DOCK3: variants seen among roughly 807,000 people sequenced by gnomAD.
DOCK3 encodes dedicator of cytokinesis protein 3.
In DOCK3, 60 loss-of-function variants were observed where a neutral mutation model predicts 265.6. The ratio of observed to expected loss-of-function variants is 0.23; its 90% CI spans 0.18 to 0.28. DOCK3 has a LOEUF of 0.28. DOCK3 is among the 10% of genes least tolerant of loss of function. The pLI is 1.00. For missense variants in DOCK3, 1,981 were observed against 2,594.3 expected, an observed-to-expected ratio of 0.76 and a Z score of 5.14; for synonymous variants, 881 against 938.0, an observed-to-expected ratio of 0.94 and a Z score of 1.11.
intron 5 of DOCK3, among the ~76,000 whole-genome samples, chr3:51,046,243 G>T (rs1340947172): frequency 1.3e-5 from 2 of 152,114 alleles, no homozygotes; most frequent in African/African-American, 2.4e-5. Context: ...TAACTGCCAA[G>T]AATTATTTTA....
intron 3 of DOCK3, among the ~76,000 whole-genome samples, chr3:50,852,489 T>C (rs1243146346): frequency 6.6e-6 from 1 of 152,230 alleles, no homozygotes; most frequent in Non-Finnish European, 1.5e-5. Flanking sequence ...ATTATGGTTA[T>C]CTAACTTATC....
At chr3:51,155,147 T>C (rs1173917998) in intron 10 of DOCK3, among the ~76,000 whole-genome samples, 1 of 151,944 alleles carries the variant, frequency 6.6e-6, no homozygotes, top group East Asian at 1.9e-4. Flanking sequence ...GGCTAATTTT[T>C]TTTTTTTAAG....
At chr3:50,882,969 G>T (rs1026310460) in intron 3 of DOCK3, among the ~76,000 whole-genome samples, 13 of 152,168 alleles carry the variant, frequency 8.5e-5, no homozygotes, top group Non-Finnish European at 1.6e-4. Flanking sequence ...CCTTTGGAGG[G>T]AGATGGATGA....
chr3:51,221,132 A>C (rs2090077575), intron 14 of DOCK3, among the ~76,000 whole-genome samples: 1 of 152,122 alleles, frequency 6.6e-6, no homozygotes, highest in South Asian at 2.1e-4. Context: ...TATCCCGTTA[A>C]GATTTCTGGT....
chr3:51,140,020 T>C (rs2084975018), intron 9 of DOCK3, among the ~76,000 whole-genome samples: 1 of 152,220 alleles, frequency 6.6e-6, no homozygotes, highest in Non-Finnish European at 1.5e-5. Flanking sequence ...CATGCAGATC[T>C]TGGAGAGTTT....
chr3:50,807,466 C>A (rs2043496128), intron 2 of DOCK3, among the ~76,000 whole-genome samples: 1 of 152,148 alleles, frequency 6.6e-6, no homozygotes, highest in African/African-American at 2.4e-5. Context: ...ATGACCCAGA[C>A]ACCTCCCATT....
intron 3 of DOCK3, among the ~76,000 whole-genome samples, chr3:50,854,062 T>G (rs565681798): frequency 1.3e-5 from 2 of 152,264 alleles, no homozygotes; most frequent in African/African-American, 4.8e-5. Context: ...CCCTGATGAA[T>G]AGTTACATTG....
chr3:51,031,185 A>G lies in DOCK3; in HGVS notation c.316-33263A>G, dbSNP rs138187759. Among the ~76,000 whole-genome samples, 19 of 152,176 alleles carry G rather than the reference A, an allele frequency of 1.2e-4. No homozygotes were observed. The East Asian group carries it at 3.1e-3, about 25-fold the overall frequency. ...TATTGTCATCCTTTTTTGATCAGCT[A>G]CTTTGTTGGTAATAGATATTTGGGT... is the stretch of plus-strand genomic sequence containing the variant. On this transcript the variant is annotated intron_variant, in intron 5 of 52. Transcript: ENST00000266037.
At chr3:51,283,007 T>C (rs1362894851) in intron 27 of DOCK3, among the ~76,000 whole-genome samples, 2 of 152,206 alleles carry the variant, frequency 1.3e-5, no homozygotes, top group Non-Finnish European at 2.9e-5. Flanking sequence ...GTAGGATTTA[T>C]CCCAGAAATG....
At chr3:50,871,560 C>T (rs890538221) in intron 3 of DOCK3, among the ~76,000 whole-genome samples, 4 of 151,988 alleles carry the variant, frequency 2.6e-5, no homozygotes, top group Admixed American at 2.6e-4. Flanking sequence ...ATTGATGTCT[C>T]TCGCTATGTT....
intron 5 of DOCK3, among the ~76,000 whole-genome samples, chr3:50,985,869 G>C (rs2077881032): frequency 6.6e-6 from 1 of 151,646 alleles, no homozygotes. Flanking sequence ...ATAAACCCGG[G>C]ATGTATTGTC....
chr3:51,114,031 C>T (rs772961704), intron 9 of DOCK3, among the ~76,000 whole-genome samples: 1 of 151,798 alleles, frequency 6.6e-6, no homozygotes. Context: ...ATGACTTGAG[C>T]CCTGGAGGTC....
intron 1 of DOCK3, among the ~76,000 whole-genome samples, chr3:50,723,150 G>T (rs2037581250): frequency 6.6e-6 from 1 of 152,114 alleles, no homozygotes. Context: ...AAGTAGAGAA[G>T]AATTCATTTG....
chr3:50,892,615 A>T (rs980091586), intron 4 of DOCK3, among the ~76,000 whole-genome samples: 6 of 152,094 alleles, frequency 3.9e-5, no homozygotes, highest in Non-Finnish European at 8.8e-5. Context: ...ACCTCTTTCT[A>T]TCCCACCTCA....
chr3:51,116,026 G>GCA (rs1386511628), intron 9 of DOCK3, among the ~76,000 whole-genome samples: 1 of 152,058 alleles, frequency 6.6e-6, no homozygotes, highest in Non-Finnish European at 1.5e-5. Context: ...TACCAGTACT[G>GCA]TGCTGTTTTG....
chr3:51,117,966 G>C (rs191920553), intron 9 of DOCK3, among the ~76,000 whole-genome samples: 1 of 152,074 alleles, frequency 6.6e-6, no homozygotes, highest in Non-Finnish European at 1.5e-5. Context: ...CTTCAGTTCT[G>C]TTCTGATCTG....
At chr3:51,355,133 C>T (rs1462341238) in intron 41 of DOCK3, 110 bp downstream of exon 41, 23 of 1,421,704 alleles carry the variant, frequency 1.6e-5, no homozygotes, top group Non-Finnish European at 2.0e-5. Context: ...TTAGATATCC[C>T]ATAGTCCTAA....
chr3:51,161,627 G>A (rs556504040), intron 12 of DOCK3, among the ~76,000 whole-genome samples: 1 of 152,130 alleles, frequency 6.6e-6, no homozygotes, highest in South Asian at 2.1e-4. Context: ...TTTTTCTCCA[G>A]AATTAACCAA....
At chr3:51,113,425 C>A (rs773047258) in intron 9 of DOCK3, among the ~76,000 whole-genome samples, 1 of 152,108 alleles carries the variant, frequency 6.6e-6, no homozygotes, top group Admixed American at 6.5e-5. Flanking sequence ...TCTAGAAGAC[C>A]CCAGTAATCT....
Sources: gnomAD v4.1 joint callset for allele counts (sites outside exome capture counted in the v4.1 genomes callset) on GRCh38, gnomAD v4.1.1 for gene constraint, MANE v1.5 for transcripts, NCBI Gene and HGNC (gene_info 2026-07-23, HGNC 2026-07-21) for gene names.